Variants in ENOX2 observed in about 807,000 individuals in gnomAD.
ENOX2 encodes the protein ecto-NOX disulfide-thiol exchanger 2.
ENOX2 carries 36 observed loss-of-function variants against 45.0 expected under a neutral mutation model. The ratio of observed to expected loss-of-function variants is 0.80; its 90% confidence interval spans 0.61 to 1.06. The LOEUF is 1.06. Among genes scored for constraint, ENOX2 ranks in the 50% least tolerant of loss-of-function variants. The pLI is 0.00. For missense variants in ENOX2, 423 were observed against 462.5 expected (o/e 0.91, Z 0.78); for synonymous variants, 174 against 152.3 (o/e 1.14, Z -1.05).
chrX:130,685,707 T>G (rs1269121094), intron 5 of ENOX2, among the ~76,000 whole-genome samples: 1 of 111,934 alleles, frequency 8.9e-6, no homozygotes, highest in African/African-American at 3.3e-5. Context: ...ATACCTTCCA[T>G]GTGGAAGTGA....
intron 2 of ENOX2, among the ~76,000 whole-genome samples, chrX:130,894,183 A>G (rs1234725309): frequency 1.8e-5 from 2 of 111,258 alleles, no homozygotes; most frequent in Non-Finnish European, 3.8e-5. Context: ...AAAACCTCTC[A>G]AAGACTGCCA....
chrX:130,741,050 A>C (rs1352348614), intron 3 of ENOX2, among the ~76,000 whole-genome samples: 2 of 112,148 alleles, frequency 1.8e-5, no homozygotes, highest in Non-Finnish European at 3.8e-5. Flanking sequence ...AAGGTGAGCC[A>C]ATGAATGAAA....
intron 3 of ENOX2, among the ~76,000 whole-genome samples, chrX:130,740,059 G>A (rs768999067): frequency 8.9e-6 from 1 of 112,121 alleles, no homozygotes; most frequent in South Asian, 3.8e-4. Context: ...CCCTATGCAA[G>A]TGTTATGAGA....
chrX:130,654,454 C>A (rs376839433), intron 10 of ENOX2, among the ~76,000 whole-genome samples: 6 of 102,241 alleles, frequency 5.9e-5, no homozygotes, highest in African/African-American at 1.6e-4. Flanking sequence ...AAAAAAAAAA[C>A]AACAACAACA....
At chrX:130,865,973 T>C (rs1367629297) in intron 2 of ENOX2, among the ~76,000 whole-genome samples, 1 of 111,486 alleles carries the variant, frequency 9.0e-6, no homozygotes, top group Admixed American at 9.6e-5. Flanking sequence ...CTCTCGATTT[T>C]ATATTTCTCA....
At chrX:130,633,397 A>C (rs1265891876) in intron 12 of ENOX2, among the ~76,000 whole-genome samples, 1 of 112,765 alleles carries the variant, frequency 8.9e-6, no homozygotes, top group African/African-American at 3.2e-5. Flanking sequence ...TTCCCAGAGA[A>C]GATCAGTTTA....
At chrX:130,693,075 G>A (rs868407618) in intron 4 of ENOX2, among the ~76,000 whole-genome samples, 2 of 111,942 alleles carry the variant, frequency 1.8e-5, no homozygotes, top group South Asian at 7.5e-4. Context: ...CTCAACCTTG[G>A]CAGAGTGATT....
In ENOX2 at chrX:130,631,554, C is replaced by G. The variant is rs770889583; in HGVS notation, c.1442G>C (p.Cys481Ser). ...KEKESCASRL[C>S]ASNQDSEYPL... ...GTATTCGCTATCCTGGTTTGAGGCA[C>G]ACAGCCTAGAAGCACAGCTTTCCTG... The change falls in exon 13 of 15, where the codon TGT becomes TCT. Residue 481 changes from cysteine to serine, a missense_variant. Around this residue, in one of 5 missense-constraint regions of ENOX2, gnomAD observed 108 missense variants for 70.6 expected, o/e 1.53. Transcript: ENST00000394363. 3.4e-6 allele frequency: 4 copies of G among 1,191,857 alleles called. No homozygotes were observed. The highest frequency in any genetic ancestry group is 4.6e-6 in the Non-Finnish European group (4 of 878,853).
At chrX:130,736,440 T>A (rs367570066) in intron 3 of ENOX2, among the ~76,000 whole-genome samples, 1 of 111,916 alleles carries the variant, frequency 8.9e-6, no homozygotes, top group Non-Finnish European at 1.9e-5. Flanking sequence ...ATGACCTTCA[T>A]ATTTCCATTC....
chrX:130,667,536 T>A lies in ENOX2; in HGVS notation c.901A>T (p.Ile301Phe), dbSNP rs1377243211. Residue 301 changes from isoleucine to phenylalanine, a missense_variant, in exon 8 of 15, where the codon ATT becomes TTT. Transcript: ENST00000394363. The part of the protein sequence containing the change: ...KFKQALSGIL[I>F]QFEQIVAVYH... ...AACTCTAAGTTCCACTCACATTGAATGAGAATTCCAGAAAGGGCCTGCTTG... is the reference window on the plus strand; with the variant it reads ...AACTCTAAGTTCCACTCACATTGAAAGAGAATTCCAGAAAGGGCCTGCTTG... 2 of 1,197,545 alleles carry A rather than the reference T, an allele frequency of 1.7e-6. No individual in the cohort carries two copies. Among genetic ancestry groups the A allele is most frequent in the South Asian group, 3.5e-5 (2 of 56,658 alleles).
chrX:130,705,903 TA>T (rs2038025253), intron 3 of ENOX2, among the ~76,000 whole-genome samples: 1 of 111,605 alleles, frequency 9.0e-6, no homozygotes, highest in Non-Finnish European at 1.9e-5. Flanking sequence ...TTCCCTTTTT[TA>T]CCCCTTTTTC....
In ENOX2 at chrX:130,647,509, C is replaced by T. The variant is rs139536017; in HGVS notation, c.1129+9072G>A. 5.4e-5 allele frequency among the ~76,000 whole-genome samples: 6 copies of T among 111,373 alleles called. No individual in the cohort carries two copies. The East Asian group carries it at 1.4e-3, about 26-fold the overall frequency. ...AGGTTGCTGGTGTGCCCTGAATCCA[C>T]GTGCATAAAGCACTCCCCATTTTTC... On this transcript the variant is annotated intron_variant, in intron 10 of 14. Transcript: ENST00000394363.
chrX:130,858,137 C>G lies in ENOX2; in HGVS notation c.-183+43547G>C, dbSNP rs1418590636. Among the ~76,000 whole-genome samples, 3 of 94,562 alleles carry G rather than the reference C, an allele frequency of 3.2e-5. No homozygotes were observed. In the Admixed American group the frequency reaches 3.7e-4, roughly 12 times the overall value. 82.1% of individuals were successfully genotyped at this position (94,562 alleles called of 115,157 possible). On this transcript the variant is annotated intron_variant, in intron 2 of 14. Coordinates refer to ENST00000394363, the MANE Select transcript of ENOX2 (RefSeq NM_006375.4). ...TCCTTTTTTTTTTTTTTTTTTTAGA[C>G]GGAGTCTTGCTCTGTCGCCCAGGCT... is the stretch of plus-strand genomic sequence containing the variant.
intron 3 of ENOX2, among the ~76,000 whole-genome samples, chrX:130,744,946 A>C (rs2039066683): frequency 9.0e-6 from 1 of 111,353 alleles, no homozygotes; most frequent in African/African-American, 3.3e-5. Context: ...TGAATTGTGC[A>C]TGTGAAGGAT....
chrX:130,793,400 G>A (rs1446549392), intron 2 of ENOX2, among the ~76,000 whole-genome samples: 4 of 111,897 alleles, frequency 3.6e-5, no homozygotes, highest in African/African-American at 1.3e-4. Flanking sequence ...TAAATAATGC[G>A]GGAGTAGTCA....
In ENOX2 at chrX:130,854,674, GA is replaced by G. The variant is rs1004688124; in HGVS notation, c.-183+47009del. On this transcript the variant is annotated intron_variant, in intron 2 of 14. Coordinates refer to ENST00000394363, the MANE Select transcript of ENOX2 (RefSeq NM_006375.4). ...AGAGAAACAACACATTTACCTATAA[GA>G]AAAAAAAAATTAGAATGATAGCAGA... Among the ~76,000 whole-genome samples the G allele has an allele frequency of 1.7e-3, 180 of 106,831 alleles. No homozygotes were observed. The Middle Eastern group carries it at 0.019, about 11-fold the overall frequency. The allele number at this position is 106,831 out of a possible 115,157, so 92.8% of individuals were successfully genotyped here.
chrX:130,758,346 G>T (rs904211170), intron 3 of ENOX2, among the ~76,000 whole-genome samples: 3 of 112,087 alleles, frequency 2.7e-5, no homozygotes, highest in African/African-American at 9.7e-5. Context: ...GTCATTTCAA[G>T]AATGTTATAT....
chrX:130,635,210 C>G (rs1417067835), intron 11 of ENOX2, 119 bp from the exon 12 acceptor site: 6 of 396,689 alleles, frequency 1.5e-5, no homozygotes, highest in Non-Finnish European at 2.1e-5. Flanking sequence ...GCACACACGA[C>G]CATTTTTCCA....
chrX:130,900,581 T>G (rs1302865298), intron 2 of ENOX2, among the ~76,000 whole-genome samples: 2 of 112,164 alleles, frequency 1.8e-5, no homozygotes, highest in African/African-American at 6.5e-5. Context: ...TCTTCCACAT[T>G]GAATGAACAT....
Sources: allele counts gnomAD v4.1 joint callset (sites outside exome capture counted in the v4.1 genomes callset), GRCh38; gene constraint gnomAD v4.1.1; regional missense constraint gnomAD v4.1.1; transcripts MANE v1.5; gene names NCBI Gene and HGNC (gene_info 2026-07-23, HGNC 2026-07-21).